The following BPI variants were observed in gnomAD, a reference collection of about 807,000 sequenced individuals.
BPI encodes bactericidal permeability increasing protein.
In BPI, 48 loss-of-function variants were observed where a neutral mutation model predicts 57.6. That is an observed-to-expected ratio of 0.83 (90% CI 0.66 to 1.06). The LOEUF is 1.06. Among genes scored for constraint, BPI ranks in the 50% least tolerant of loss-of-function variants. The pLI is 0.00. For missense variants in BPI, 651 were observed against 609.7 expected (o/e 1.07, Z -0.71); for synonymous variants, 237 against 238.2 (o/e 0.99, Z 0.05).
intron 7 of BPI, among the ~76,000 whole-genome samples, chr20:38,323,205 C>T (rs1426458009): frequency 2.6e-5 from 4 of 152,078 alleles, no homozygotes; most frequent in Non-Finnish European, 5.9e-5. Context: ...TTTTATGGGC[C>T]TTTAAATTTT....
At chr20:38,310,423 C>A in intron 3 of BPI, 68 bp from the exon 4 acceptor site, 1 of 1,565,532 alleles carries the variant, frequency 6.4e-7, no homozygotes, top group African/African-American at 1.3e-5. Context: ...CCTTCCAGCA[C>A]TGGGGCAAAG....
At chr20:38,314,478 A>ATGATGG (rs1397546529) in intron 5 of BPI, among the ~76,000 whole-genome samples, 2 of 134,988 alleles carry the variant, frequency 1.5e-5, no homozygotes, top group Non-Finnish European at 3.2e-5. Flanking sequence ...GATGATGATA[A>ATGATGG]TGATGGTGAT....
intron 12 of BPI, 29 bp from the exon 13 acceptor site, chr20:38,334,401 C>T (rs1298136162): frequency 6.2e-7 from 1 of 1,601,384 alleles, no homozygotes; most frequent in South Asian, 1.1e-5. Flanking sequence ...GATGCAGGGC[C>T]ATCCTCCCAT....
At chr20:38,335,757 C>A in intron 14 of BPI, 83 bp downstream of exon 14, 1 of 1,407,122 alleles carries the variant, frequency 7.1e-7, no homozygotes, top group Non-Finnish European at 1.0e-6. Context: ...TCCTGCATGC[C>A]AAGCCCTGTG....
At chr20:38,327,503 T>C in intron 10 of BPI, 85 bp from the exon 11 acceptor site, 1 of 1,480,586 alleles carries the variant, frequency 6.8e-7, no homozygotes, top group East Asian at 2.3e-5. Context: ...GCTGAGCCGT[T>C]GTGAAGCTGA....
At chr20:38,316,007 A>G (rs1319610158) in intron 5 of BPI, among the ~76,000 whole-genome samples, 4 of 151,242 alleles carry the variant, frequency 2.6e-5, no homozygotes, top group African/African-American at 9.7e-5. Context: ...TAATTTTTGT[A>G]TTTTTTGATA....
chr20:38,330,922 G>C, intron 11 of BPI, 126 bp from the exon 12 acceptor site: 1 of 1,066,146 alleles, frequency 9.4e-7, no homozygotes, highest in South Asian at 1.4e-5. Flanking sequence ...ACCCGTGGAA[G>C]GGGAGTGGAT....
chr20:38,317,003 G>A (rs949991399), intron 5 of BPI, among the ~76,000 whole-genome samples: 2 of 152,158 alleles, frequency 1.3e-5, no homozygotes, highest in Non-Finnish European at 2.9e-5. Flanking sequence ...GCAGGGGATA[G>A]GAAGAAAGTG....
intron 10 of BPI, 65 bp from the exon 11 acceptor site, chr20:38,327,523 G>A: frequency 6.3e-7 from 1 of 1,583,860 alleles, no homozygotes. Flanking sequence ...ACCCTTCTTG[G>A]TTTGGAGGCC....
Position 38,326,328 on chromosome 20 carries a change from C to CT in BPI, c.1058dup (p.Ser354ValfsTer57). 1 of 1,614,168 alleles carries CT rather than the reference C, an allele frequency of 6.2e-7. No individual in the cohort carries two copies. Among genetic ancestry groups the CT allele is most frequent in the Non-Finnish European group, 8.5e-7 (1 of 1,180,022 alleles). On this transcript the variant is annotated frameshift_variant, in exon 10 of 15. Transcript: ENST00000642449. LOFTEE classifies it high-confidence loss of function. ...TGTCTCAGCCTCCACCCCGCCACAC[C>CT]TGTCTGTGCAGCCCACCGGCCTTAC...
chr20:38,320,165 C>G lies in BPI; in HGVS notation c.665-18C>G, dbSNP rs558521028. 2 of 1,601,360 alleles carry G rather than the reference C, an allele frequency of 1.2e-6. No individual in the cohort carries two copies. The highest frequency in any genetic ancestry group is 3.3e-5 in the Admixed American group (2 of 59,974). On this transcript the variant is annotated intron_variant, in intron 6 of 14. Coordinates refer to ENST00000642449, the MANE Select transcript of BPI (RefSeq NM_001725.3). The stretch of plus-strand genomic sequence containing the variant: ...CTGCCGTGGGAGCCAGCTCATGGTC[C>G]ATTTTCTTTCTCTCTAGTAATGACC...
intron 6 of BPI, 100 bp downstream of exon 6, chr20:38,318,576 C>T (rs929591589): frequency 7.6e-7 from 1 of 1,317,912 alleles, no homozygotes. Flanking sequence ...TCCCAGACAG[C>T]CCTGGGCCTG....
chr20:38,324,804 A>G lies in BPI; in HGVS notation c.964A>G (p.Thr322Ala). ...AAAGGAGTCCAAATTTCGACTGACAACCAAGTTCTTTGGAACCTTCCTACC... is the reference window on the plus strand; with the variant it reads ...AAAGGAGTCCAAATTTCGACTGACAGCCAAGTTCTTTGGAACCTTCCTACC... ...IPKESKFRLT[T>A]KFFGTFLPEV... Residue 322 changes from threonine to alanine, a missense_variant, in exon 9 of 15, where the codon ACC becomes GCC. Transcript: ENST00000642449. 1 of 1,613,498 alleles carries G rather than the reference A, an allele frequency of 6.2e-7. No individual in the cohort carries two copies. The highest frequency in any genetic ancestry group is 1.3e-5 in the African/African-American group (1 of 75,000).
chr20:38,321,260 T>A (rs1176745669), intron 7 of BPI, among the ~76,000 whole-genome samples: 1 of 143,764 alleles, frequency 7.0e-6, no homozygotes, highest in Non-Finnish European at 1.5e-5. Context: ...TGGGGGTAGA[T>A]GGATGGCTGG....
At position 38,335,626 on chromosome 20, in the gene BPI, G is replaced by A. The variant is rs145598025; in HGVS notation, c.1365G>A (p.Pro455=). ...AACTACAGAAAGGCTTCCCTCTCCCGACGCCGGCCAGAGTCCAGCTCTACA... is the reference window on the plus strand; with the variant it reads ...AACTACAGAAAGGCTTCCCTCTCCCAACGCCGGCCAGAGTCCAGCTCTACA... ...NEKLQKGFPL[P]TPARVQLYNV... is the part of the protein sequence containing the mutation. Residue 455 remains proline (P), a synonymous_variant, in exon 14 of 15, where the codon CCG becomes CCA. Coordinates refer to ENST00000642449, the MANE Select transcript of BPI (RefSeq NM_001725.3). The A allele has an allele frequency of 5.5e-5, 88 of 1,614,068 alleles. No homozygotes were observed. Among genetic ancestry groups the A allele is most frequent in the African/African-American group, 4.3e-4 (32 of 75,014 alleles).
At chr20:38,331,412 G>T (rs971043885) in intron 12 of BPI, among the ~76,000 whole-genome samples, 71 of 152,320 alleles carry the variant, frequency 4.7e-4, no homozygotes, top group African/African-American at 1.7e-3. Context: ...ACAAATGTTT[G>T]TTGGATGAAC....
intron 4 of BPI, among the ~76,000 whole-genome samples, chr20:38,311,285 A>G (rs188114233): frequency 1.3e-4 from 20 of 152,372 alleles, no homozygotes; most frequent in African/African-American, 4.3e-4. Context: ...CTGTTCTCTT[A>G]AAGTTTTCAG....
intron 11 of BPI, among the ~76,000 whole-genome samples, chr20:38,328,020 G>T (rs897392444): frequency 2.0e-5 from 3 of 152,136 alleles, no homozygotes; most frequent in Non-Finnish European, 4.4e-5. Context: ...GCCACTGCAC[G>T]TCCCTGGCTT....
rs1568817199 is a variant in BPI, at chr20:38,326,353, C to T, written c.1082C>T (p.Thr361Ile). The stretch of plus-strand genomic sequence containing the variant: ...CTGTCTGTGCAGCCCACCGGCCTTA[C>T]CTTCTACCCTGCCGTGGATGTCCAG... ...PHLSVQPTGL[T>I]FYPAVDVQAF... The change falls in exon 10 of 15, where the codon ACC becomes ATC. Residue 361 changes from threonine to isoleucine, a missense_variant. Coordinates refer to ENST00000642449, the MANE Select transcript of BPI (RefSeq NM_001725.3). The T allele has an allele frequency of 6.2e-7, 1 of 1,614,208 alleles. No homozygotes were observed. Among genetic ancestry groups the T allele is most frequent in the Non-Finnish European group, 8.5e-7 (1 of 1,180,030 alleles).
Sources: allele counts gnomAD v4.1 joint callset (sites outside exome capture counted in the v4.1 genomes callset), GRCh38; gene constraint gnomAD v4.1.1; transcripts MANE v1.5; gene names NCBI Gene and HGNC (gene_info 2026-07-23, HGNC 2026-07-21).